MICALL1: variants seen among roughly 807,000 people sequenced by gnomAD.
MICALL1 encodes MICAL like 1, also known as MICAL-like protein 1.
In MICALL1, 61 loss-of-function variants were observed where a neutral mutation model predicts 83.7. The observed-to-expected ratio is 0.73, with a 90% CI of 0.59 to 0.90. The LOEUF (loss-of-function observed/expected upper bound fraction) is 0.90, where lower values mean the gene tolerates loss of function less well. Among genes scored for constraint, MICALL1 ranks in the 40% least tolerant of loss-of-function variants. The pLI is 0.00. For synonymous variants in MICALL1, 481 were observed against 473.6 expected (o/e 1.02, Z -0.20); for missense variants, 1,066 against 1,152.0 (o/e 0.93, Z 1.08).
intron 5 of MICALL1, among the ~76,000 whole-genome samples, chr22:37,919,956 C>T (rs1339959882): frequency 6.6e-6 from 1 of 152,040 alleles, no homozygotes; most frequent in African/African-American, 2.4e-5. Flanking sequence ...CTTTGCACTC[C>T]AGCCTGGGCG....
intron 6 of MICALL1, among the ~76,000 whole-genome samples, chr22:37,923,581 C>T (rs569829192): frequency 1.2e-4 from 18 of 152,318 alleles, no homozygotes; most frequent in South Asian, 6.2e-4. Context: ...CAGCCTCTGC[C>T]GTGCTCTGTT....
rs1601812212 is a variant in MICALL1 at position 37,917,853 on chromosome 22, A to G, written c.426+58A>G. 7.0e-6 allele frequency: 10 copies of G among 1,437,324 alleles called. No homozygotes were observed. The East Asian group carries it at 2.3e-4, about 33-fold the overall frequency. 89.0% of individuals were successfully genotyped at this position (1,437,324 alleles called of 1,614,324 possible). On this transcript the variant is annotated intron_variant, in intron 4 of 15. Coordinates refer to ENST00000215957, the MANE Select transcript of MICALL1 (RefSeq NM_033386.4). Reference sequence around the variant, plus strand: ...GGGGTGGAGGGGGCGAGTTATGTGGACGACTATCATTGCAGTGACTGGGTC... The same window carrying G: ...GGGGTGGAGGGGGCGAGTTATGTGGGCGACTATCATTGCAGTGACTGGGTC...
intron 3 of MICALL1, among the ~76,000 whole-genome samples, chr22:37,915,594 T>C (rs1928626930): frequency 2.0e-5 from 3 of 151,530 alleles, no homozygotes; most frequent in Non-Finnish European, 4.4e-5. Flanking sequence ...ACTTGAGGAG[T>C]AAATGAGGAA....
At chr22:37,920,392 TG>T (rs1478855416) in intron 5 of MICALL1, among the ~76,000 whole-genome samples, 3 of 151,544 alleles carry the variant, frequency 2.0e-5, no homozygotes, top group Admixed American at 6.6e-5. Context: ...ACCGCAGAAT[TG>T]GGGTGTCATG....
intron 5 of MICALL1, among the ~76,000 whole-genome samples, chr22:37,921,130 C>T (rs12628891): frequency 0.23 from 34,886 of 152,056 alleles, 5,050 homozygotes; most frequent in East Asian, 0.43. Flanking sequence ...GTAAAAAATA[C>T]ACTTGACACT....
Position 37,930,851 on chromosome 22 carries a change from G to A in MICALL1, c.1882-948G>A, listed in dbSNP as rs1186175279. On this transcript the variant is annotated intron_variant, in intron 9 of 15. Coordinates refer to ENST00000215957, the MANE Select transcript of MICALL1 (RefSeq NM_033386.4). The surrounding 1 kb of genome is among the most constrained non-coding windows in gnomAD (Gnocchi z 4.8). ...CTGCTGGTCAAACACTTCCTGGCTG[G>A]GTGACCCTGGGTGAGGAACTTCACC... 1.3e-5 allele frequency among the ~76,000 whole-genome samples: 2 copies of A among 152,194 alleles called. No homozygotes were observed. The highest frequency in any genetic ancestry group is 1.5e-5 in the Non-Finnish European group (1 of 68,036).
chr22:37,934,867 A>G (rs931969793), intron 13 of MICALL1, among the ~76,000 whole-genome samples: 2 of 150,404 alleles, frequency 1.3e-5, no homozygotes, highest in African/African-American at 4.9e-5. Flanking sequence ...AAGTGCTGGG[A>G]TTACAGGCAT....
Position 37,926,028 on chromosome 22 carries a change from AGC to A in MICALL1, c.1454_1455del (p.Ala485ValfsTer32). 1.2e-6 allele frequency: 2 copies of A among 1,602,770 alleles called. No individual in the cohort carries two copies. The highest frequency in any genetic ancestry group is 1.7e-6 in the Non-Finnish European group (2 of 1,173,224). On this transcript the variant is annotated frameshift_variant, in exon 8 of 16. Coordinates refer to ENST00000215957, the MANE Select transcript of MICALL1 (RefSeq NM_033386.4). LOFTEE classifies it high-confidence loss of function. Reference protein sequence around the residue: ...TKKRPAPRAPSASPLALHASR... With the variant: ...TKKRPAPRAPXASPLALHASR... Reference sequence around the variant, plus strand: ...GAAGCGCCCTGCCCCGCGCGCACCCAGCGCGTCCCCACTGGGTGAGTGCCTTT... The same window carrying A: ...GAAGCGCCCTGCCCCGCGCGCACCCAGCGTCCCCACTGGGTGAGTGCCTTT...
intron 4 of MICALL1, 78 bp downstream of exon 4, chr22:37,917,873 T>C: frequency 7.9e-7 from 1 of 1,271,346 alleles, no homozygotes; most frequent in Non-Finnish European, 1.1e-6. Context: ...TTGCAGTGAC[T>C]GGGTCATGTG....
intron 13 of MICALL1, among the ~76,000 whole-genome samples, chr22:37,935,203 A>G (rs1930040189): frequency 2.6e-5 from 4 of 151,568 alleles, no homozygotes; most frequent in Admixed American, 2.6e-4. Context: ...AAGTGCTAGG[A>G]TTACAGGCGT....
rs956952277 is a variant in MICALL1 at position 37,924,408 on chromosome 22, G to A, written c.1025-252G>A. Among the ~76,000 whole-genome samples, 3 of 152,168 alleles carry A rather than the reference G, an allele frequency of 2.0e-5. No individual in the cohort carries two copies. The highest frequency in any genetic ancestry group is 7.2e-5 in the African/African-American group (3 of 41,444). On this transcript the variant is annotated intron_variant, in intron 6 of 15. Transcript: ENST00000215957. This position sits in a 1 kb window ranked among gnomAD's most constrained non-coding sequence, Gnocchi z 5.2. ...ATGATGTTTTCTGCCCACACTGGCG[G>A]GGGGTGTCTGAGGGGATTTGGGTTT... is the stretch of plus-strand genomic sequence containing the variant.
chr22:37,940,773 G>A lies in MICALL1; in HGVS notation c.2535G>A (p.Leu845=). Residue 845 remains leucine, a synonymous_variant, in exon 16 of 16, where the codon TTG becomes TTA. Transcript: ENST00000215957. ...GGAAGTTCAAGACCATGAAGATGTTGAAACTGCTAGGAAACAAACGTGATG... is the reference window on the plus strand; with the variant it reads ...GGAAGTTCAAGACCATGAAGATGTTAAAACTGCTAGGAAACAAACGTGATG... ...KKGKFKTMKM[L]KLLGNKRDAK... is the part of the protein sequence containing the mutation. 6.2e-7 allele frequency: 1 copy of A among 1,614,162 alleles called. No individual in the cohort carries two copies. The highest frequency in any genetic ancestry group is 8.5e-7 in the Non-Finnish European group (1 of 1,180,004).
chr22:37,910,396 G>A lies in MICALL1; in HGVS notation c.147-1556G>A, dbSNP rs149535235. 5.9e-3 allele frequency among the ~76,000 whole-genome samples: 899 copies of A among 152,114 alleles called. 6 individuals are homozygous for A. The highest frequency in any genetic ancestry group is 0.021 in the African/African-American group (867 of 41,466). ...AGACAAGTTGCTTTTGTCTCATTTG[G>A]TCTTGGAAAAAGCCTCTGTTGGGGG... On this transcript the variant is annotated intron_variant, in intron 1 of 15. Transcript: ENST00000215957.
chr22:37,937,963 C>A, intron 15 of MICALL1, 171 bp downstream of exon 15: 1 of 823,118 alleles, frequency 1.2e-6, no homozygotes, highest in Non-Finnish European at 1.9e-6. Flanking sequence ...GAGAGGCCAG[C>A]ATACAGCCAG....
intron 15 of MICALL1, among the ~76,000 whole-genome samples, chr22:37,939,422 A>G (rs1247353533): frequency 5.3e-5 from 8 of 152,200 alleles, no homozygotes; most frequent in Admixed American, 5.2e-4. Flanking sequence ...TTGCTCTGAC[A>G]GCGTTTGTGT....
chr22:37,936,171 G>C (rs1219849797), intron 13 of MICALL1, among the ~76,000 whole-genome samples: 1 of 152,204 alleles, frequency 6.6e-6, no homozygotes, highest in Non-Finnish European at 1.5e-5. Context: ...GGGTGGTCCT[G>C]TGGGTTGGCT....
chr22:37,911,626 C>T (rs1569134906), intron 1 of MICALL1, among the ~76,000 whole-genome samples: 1 of 152,200 alleles, frequency 6.6e-6, no homozygotes, highest in Non-Finnish European at 1.5e-5. Context: ...GGGGTGGCTT[C>T]CTGCAGAGAG....
At chr22:37,914,554 G>GTA (rs1411795011) in intron 3 of MICALL1, among the ~76,000 whole-genome samples, 1 of 150,434 alleles carries the variant, frequency 6.6e-6, no homozygotes, top group Non-Finnish European at 1.5e-5. Context: ...ATATATATAT[G>GTA]TATATATATA....
intron 10 of MICALL1, 29 bp downstream of exon 10, chr22:37,931,962 G>T: frequency 6.2e-7 from 1 of 1,605,602 alleles, no homozygotes. Context: ...CCGAGACCAG[G>T]CTGGCCTGGG....
Sources: allele counts gnomAD v4.1 joint callset (sites outside exome capture counted in the v4.1 genomes callset), GRCh38; gene constraint gnomAD v4.1.1; non-coding constraint Gnocchi (gnomAD v3.1); transcripts MANE v1.5; gene names NCBI Gene and HGNC (gene_info 2026-07-23, HGNC 2026-07-21).